Variants in DCUN1D1 observed in about 807,000 individuals in gnomAD.
The protein encoded by DCUN1D1 is defective in cullin neddylation 1 domain containing 1.
A neutral mutation model predicts 39.0 loss-of-function variants in DCUN1D1; 3 were observed. That is an observed-to-expected ratio of 0.08 (90% confidence interval 0.04 to 0.20). The LOEUF (loss-of-function observed/expected upper bound fraction) is 0.20, where lower values mean the gene tolerates loss of function less well. Among genes scored for constraint, DCUN1D1 ranks in the 10% least tolerant of loss-of-function variants. DCUN1D1 has a pLI of 1.00. For missense variants in DCUN1D1, 158 were observed against 302.4 expected, an observed-to-expected ratio of 0.52 and a Z score of 3.54; for synonymous variants, 82 against 96.3, an observed-to-expected ratio of 0.85 and a Z score of 0.87.
intron 4 of DCUN1D1, among the ~76,000 whole-genome samples, chr3:182,951,997 AAAG>A (rs1726779019): frequency 1.3e-5 from 2 of 152,070 alleles, no homozygotes; most frequent in African/African-American, 4.8e-5. Context: ...CGCACGTCCA[AAAG>A]AAGGGAATTT....
chr3:182,945,265 C>T (rs1403521991), intron 6 of DCUN1D1, 92 bp from the exon 7 acceptor site: 4 of 944,354 alleles, frequency 4.2e-6, no homozygotes, highest in African/African-American at 3.3e-5. Context: ...TTAAGACTTC[C>T]TCATAAGCGT....
In DCUN1D1 at chr3:182,947,630, G is replaced by C; in HGVS notation, c.523C>G (p.Leu175Val). 1.3e-6 allele frequency: 2 copies of C among 1,517,668 alleles called. No individual in the cohort carries two copies. Among genetic ancestry groups the C allele is most frequent in the Non-Finnish European group, 1.8e-6 (2 of 1,103,662 alleles). The allele number at this position is 1,517,668 out of a possible 1,614,324, so 94.0% of individuals were successfully genotyped here. A position where few individuals can be genotyped will look rare whatever the true frequency, so the allele number is the denominator to read the frequency against. The change falls in exon 5 of 7, where the codon CTA (leucine) becomes GTA (valine). Residue 175 changes from leucine to valine, a missense_variant and splice_region_variant. Physicochemically the swap from Leu to Val is conservative, Grantham distance 32. This residue lies in a region of DCUN1D1 where 107 missense variants were observed against 174.7 expected (regional missense o/e 0.61). Coordinates refer to ENST00000292782, the MANE Select transcript of DCUN1D1 (RefSeq NM_020640.4). ...TTCCAGTAGGCAATGGCCATTTCTAGATCTGAAATAGTAAAAATGAATTAT... is the reference window on the plus strand; with the variant it reads ...TTCCAGTAGGCAATGGCCATTTCTACATCTGAAATAGTAAAAATGAATTAT... ...AKNPGQKGLD[L>V]EMAIAYWNLV...
rs1373982486 is a variant in DCUN1D1, at chr3:182,939,350, C to T, written c.*5744G>A. 2 of 152,108 alleles carry T rather than the reference C, an allele frequency of 1.3e-5. No homozygotes were observed. Among genetic ancestry groups the T allele is most frequent in the Admixed American group, 1.3e-4 (2 of 15,256 alleles). 9.4% of individuals were successfully genotyped at this position (152,108 alleles called of 1,614,324 possible). A position where few individuals can be genotyped will look rare whatever the true frequency, so the allele number is the denominator to read the frequency against. On this transcript the variant is annotated 3_prime_UTR_variant, in exon 7 of 7. Transcript: ENST00000292782. The stretch of plus-strand genomic sequence containing the variant: ...AAATTTACCACACAACCTGACAATT[C>T]CACAACTAGGAATCTGAGATGAAAA...
chr3:182,948,792 G>A (rs1577159721), intron 4 of DCUN1D1, among the ~76,000 whole-genome samples: 2 of 152,268 alleles, frequency 1.3e-5, no homozygotes, highest in East Asian at 3.9e-4. Context: ...GCTCACACCT[G>A]TAATCCCAGC....
chr3:182,961,518 G>A (rs1322927310), intron 3 of DCUN1D1, among the ~76,000 whole-genome samples, 162 bp from the exon 4 acceptor site: 1 of 152,128 alleles, frequency 6.6e-6, no homozygotes, highest in African/African-American at 2.4e-5. Flanking sequence ...AAACACGCAT[G>A]GGGGTTAGCT....
intron 1 of DCUN1D1, among the ~76,000 whole-genome samples, chr3:182,978,818 A>T (rs1030093082): frequency 3.3e-5 from 5 of 152,200 alleles, no homozygotes; most frequent in Non-Finnish European, 5.9e-5. Context: ...AAAACTAGCT[A>T]ATTTTAATAT....
chr3:182,960,306 T>G (rs1727318411), intron 4 of DCUN1D1, among the ~76,000 whole-genome samples: 1 of 152,198 alleles, frequency 6.6e-6, no homozygotes, highest in South Asian at 2.1e-4. Flanking sequence ...AACAAAATCC[T>G]TTCTGATTTC....
upstream of DCUN1D1, among the ~76,000 whole-genome samples, chr3:182,982,032 A>G (rs2108412493): frequency 1.3e-5 from 2 of 152,202 alleles, no homozygotes; most frequent in East Asian, 3.8e-4. Flanking sequence ...ATTAACACCT[A>G]GGGCGTTAAT....
chr3:182,965,199 T>TA (rs1156756277), intron 2 of DCUN1D1, among the ~76,000 whole-genome samples: 10 of 152,216 alleles, frequency 6.6e-5, no homozygotes, highest in African/African-American at 2.4e-4. Context: ...TGAACTTTTT[T>TA]AAAAGTATGC....
At chr3:182,957,429 C>T (rs1727131103) in intron 4 of DCUN1D1, among the ~76,000 whole-genome samples, 1 of 152,128 alleles carries the variant, frequency 6.6e-6, no homozygotes, top group Non-Finnish European at 1.5e-5. Flanking sequence ...GAGGTTGAGG[C>T]CAGCCTGGGC....
chr3:182,949,527 C>T lies in DCUN1D1; in HGVS notation c.521-1895G>A, dbSNP rs567119025. Among the ~76,000 whole-genome samples the T allele has an allele frequency of 7.2e-5, 11 of 152,260 alleles. No homozygotes were observed. The East Asian group carries it at 1.5e-3, about 21-fold the overall frequency. On this transcript the variant is annotated intron_variant, in intron 4 of 6. Transcript: ENST00000292782. Reference sequence around the variant, plus strand: ...TTGAGATCAGGAGTTCAAGACCAGCCTGGGCAACATAGCAAGACCCCATCT... The same window carrying T: ...TTGAGATCAGGAGTTCAAGACCAGCTTGGGCAACATAGCAAGACCCCATCT...
chr3:182,945,257 A>C, intron 6 of DCUN1D1, 84 bp from the exon 7 acceptor site: 1 of 1,026,938 alleles, frequency 9.7e-7, no homozygotes, highest in Non-Finnish European at 1.4e-6. Context: ...TCCTTTTTTT[A>C]AGACTTCCTC....
chr3:182,982,935 C>T (rs558012753), upstream of DCUN1D1, among the ~76,000 whole-genome samples: 34 of 152,306 alleles, frequency 2.2e-4, no homozygotes, highest in Admixed American at 4.6e-4. Flanking sequence ...TGAGCCACCG[C>T]GCCTGGCCAG....
intron 6 of DCUN1D1, among the ~76,000 whole-genome samples, chr3:182,946,167 C>A (rs945345748): frequency 6.6e-6 from 1 of 152,142 alleles, no homozygotes; most frequent in Admixed American, 6.5e-5. Flanking sequence ...TGGATGGTAG[C>A]ACCATCTTTA....
At chr3:182,954,244 A>C (rs1726911441) in intron 4 of DCUN1D1, among the ~76,000 whole-genome samples, 1 of 152,240 alleles carries the variant, frequency 6.6e-6, no homozygotes, top group South Asian at 2.1e-4. Flanking sequence ...TAAAATGTTA[A>C]CAATTGGGAA....
intron 3 of DCUN1D1, among the ~76,000 whole-genome samples, chr3:182,963,138 C>T (rs1330917571): frequency 1.3e-5 from 2 of 152,082 alleles, no homozygotes; most frequent in Non-Finnish European, 2.9e-5. Flanking sequence ...CACTCAGACT[C>T]GAATCATGAC....
intron 1 of DCUN1D1, among the ~76,000 whole-genome samples, chr3:182,976,609 A>G (rs2108400742): frequency 6.6e-6 from 1 of 152,166 alleles, no homozygotes; most frequent in South Asian, 2.1e-4. Flanking sequence ...TAGCAACCCT[A>G]CTTCCATCAA....
upstream of DCUN1D1, among the ~76,000 whole-genome samples, chr3:182,982,811 C>A (rs1728601387): frequency 6.6e-6 from 1 of 151,938 alleles, no homozygotes; most frequent in African/African-American, 2.4e-5. Flanking sequence ...TGCCCAGCTA[C>A]TTTTTGCATT....
intron 4 of DCUN1D1, among the ~76,000 whole-genome samples, chr3:182,958,022 C>T (rs1182002813): frequency 6.6e-6 from 1 of 151,092 alleles, no homozygotes; most frequent in Non-Finnish European, 1.5e-5. Context: ...AAACAAACCA[C>T]AGGGTTGTCA....
Sources: gnomAD v4.1 joint callset for allele counts (sites outside exome capture counted in the v4.1 genomes callset) on GRCh38, gnomAD v4.1.1 for gene constraint, gnomAD v4.1.1 regional missense constraint, MANE v1.5 for transcripts, NCBI Gene and HGNC (gene_info 2026-07-23, HGNC 2026-07-21) for gene names.